Variants in ABCA1 observed in about 807,000 individuals in gnomAD.
ABCA1 encodes the protein ATP binding cassette subfamily A member 1.
Under a neutral mutation model 262.5 loss-of-function variants are expected in ABCA1, and 133 were observed. The observed-to-expected ratio is 0.51, with a 90% CI of 0.44 to 0.59. The LOEUF is 0.59. Among genes scored for constraint, ABCA1 ranks in the 20% least tolerant of loss-of-function variants. The probability of loss-of-function intolerance (pLI) is 0.00; values close to 1 mark genes in which losing one functional copy is unlikely to be tolerated. For synonymous variants in ABCA1, 1,022 were observed against 1,043.5 expected, an observed-to-expected ratio of 0.98 and a Z score of 0.40; for missense variants, 2,452 against 2,777.5, an observed-to-expected ratio of 0.88 and a Z score of 2.63.
At chr9:104,802,583 T>C (rs1830433863) in intron 33 of ABCA1, among the ~76,000 whole-genome samples, 1 of 152,144 alleles carries the variant, frequency 6.6e-6, no homozygotes, top group Non-Finnish European at 1.5e-5. Context: ...ATGAGGGCTA[T>C]TATAGGGGCC....
At position 104,886,238 on chromosome 9, in the gene ABCA1, T is replaced by C. The variant is rs3847301; in HGVS notation, c.161-1670A>G. 0.15 allele frequency among the ~76,000 whole-genome samples: 22,583 copies of C among 152,192 alleles called. 1,945 individuals carry two copies. Among genetic ancestry groups the C allele is most frequent in the African/African-American group, 0.24 (9,907 of 41,498 alleles). ...ACCACCTCCCTCCAAAGTGGGAACC[T>C]TGTTTTATTCATCTTTTTATTTTCA... On this transcript the variant is annotated intron_variant, in intron 3 of 49. Transcript: ENST00000374736.
intron 10 of ABCA1, 135 bp from the exon 11 acceptor site, chr9:104,837,231 G>T: frequency 1.9e-6 from 2 of 1,047,014 alleles, no homozygotes; most frequent in Non-Finnish European, 2.8e-6. Flanking sequence ...AGAAATGCCT[G>T]CTTGTAACTA....
chr9:104,837,567 G>C lies in ABCA1; in HGVS notation c.1055C>G (p.Thr352Ser). The C allele has an allele frequency of 6.2e-7, 1 of 1,613,982 alleles. No individual in the cohort carries two copies. The highest frequency in any genetic ancestry group is 8.5e-7 in the Non-Finnish European group (1 of 1,179,970). ...DAETFYDNST[T>S]PYCNDLMKNL... ...CTTCATCAAATCATTGCAGTAAGGA[G>C]CTATGAAGAAGAGGAGAGACAAATG... is the stretch of plus-strand genomic sequence containing the variant. The change falls in exon 10 of 50, where the codon ACT becomes AGT. Residue 352 changes from threonine to serine, a missense_variant and splice_region_variant. By Grantham distance (58) the Thr-to-Ser change is moderately conservative (BLOSUM62 1). This residue lies in a region of ABCA1 where 1,032 missense variants were observed against 1,089.7 expected (regional missense o/e 0.95). Transcript: ENST00000374736.
chr9:104,794,297 C>G lies in ABCA1; in HGVS notation c.5506+90G>C, dbSNP rs539177253. The G allele has an allele frequency of 9.5e-5, 151 of 1,597,254 alleles. 1 individual carries two copies. In the South Asian group the frequency reaches 1.6e-3, roughly 17 times the overall value. ...GGGGGAACATCCTGTGCTTAGTCAC[C>G]TGCTTCTTTCCAAAACAAAGTTCAG... On this transcript the variant is annotated intron_variant, in intron 40 of 49. Transcript: ENST00000374736.
chr9:104,832,556 T>A lies in ABCA1; in HGVS notation c.1509+18A>T. On this transcript the variant is annotated intron_variant, in intron 12 of 49. Coordinates refer to ENST00000374736, the MANE Select transcript of ABCA1 (RefSeq NM_005502.4). ...AAGCCGTTAAGTCTTTTCTAAATGA[T>A]CCCAGCAACAGATTCACCTCCATGA... 1 of 1,614,008 alleles carries A rather than the reference T, an allele frequency of 6.2e-7. No homozygotes were observed. The highest frequency in any genetic ancestry group is 8.5e-7 in the Non-Finnish European group (1 of 1,179,850).
chr9:104,881,715 G>C (rs1320151655), intron 5 of ABCA1, among the ~76,000 whole-genome samples: 1 of 152,124 alleles, frequency 6.6e-6, no homozygotes, highest in African/African-American at 2.4e-5. Flanking sequence ...TCAATCAGCA[G>C]GGGCTCTCCA....
At chr9:104,889,662 C>T (rs1839537686) in intron 2 of ABCA1, among the ~76,000 whole-genome samples, 1 of 152,176 alleles carries the variant, frequency 6.6e-6, no homozygotes. Context: ...CCAGCCTTAG[C>T]ATAGTGCCAG....
intron 1 of ABCA1, among the ~76,000 whole-genome samples, chr9:104,924,787 T>G (rs752106398): frequency 1.3e-5 from 2 of 152,156 alleles, no homozygotes; most frequent in African/African-American, 2.4e-5. Context: ...CCTTAATTTG[T>G]AGCCACTACA....
At chr9:104,847,905 G>T (rs1404166488) in intron 7 of ABCA1, among the ~76,000 whole-genome samples, 1 of 152,014 alleles carries the variant, frequency 6.6e-6, no homozygotes, top group African/African-American at 2.4e-5. Context: ...ATGTTTTTAC[G>T]TATATGTCTA....
chr9:104,903,109 A>C (rs1196994368), intron 2 of ABCA1, among the ~76,000 whole-genome samples: 1 of 152,198 alleles, frequency 6.6e-6, no homozygotes, highest in African/African-American at 2.4e-5. Flanking sequence ...CTGGGAAGTG[A>C]ATGGCTTAGA....
Position 104,810,915 on chromosome 9 carries a change from G to A in ABCA1, c.4060C>T (p.Pro1354Ser). Residue 1354 changes from proline (P) to serine (S), a missense_variant, in exon 29 of 50, where the codon CCA becomes TCA. Pro to Ser is a moderately conservative substitution (Grantham distance 74, BLOSUM62 -1). Transcript: ENST00000374736. ...AGGGCAATGCAGACAAACACAGCTG[G>A]CAAGACAATCTTTACCCAGGCAGTG... ...RKGFFAQIVL[P>S]AVFVCIALVF... The A allele has an allele frequency of 6.2e-7, 1 of 1,614,192 alleles. No individual in the cohort carries two copies. The highest frequency in any genetic ancestry group is 8.5e-7 in the Non-Finnish European group (1 of 1,180,028).
intron 1 of ABCA1, among the ~76,000 whole-genome samples, chr9:104,910,595 T>C (rs1841435056): frequency 6.6e-6 from 1 of 152,346 alleles, no homozygotes; most frequent in South Asian, 2.1e-4. Context: ...AGTATGTGTG[T>C]GTGTGTATGT....
intron 22 of ABCA1, among the ~76,000 whole-genome samples, chr9:104,819,168 T>A (rs780886203): frequency 5.3e-5 from 8 of 152,190 alleles, no homozygotes; most frequent in Non-Finnish European, 8.8e-5. Context: ...TAATCCTCTA[T>A]GAGGTAAGCA....
intron 2 of ABCA1, among the ~76,000 whole-genome samples, chr9:104,891,261 C>T (rs552448046): frequency 3.3e-5 from 5 of 152,090 alleles, no homozygotes; most frequent in African/African-American, 1.2e-4. Flanking sequence ...CTACATTAAA[C>T]TCTTTTAAAA....
At chr9:104,853,177 C>T (rs1032552090) in intron 7 of ABCA1, among the ~76,000 whole-genome samples, 3 of 152,184 alleles carry the variant, frequency 2.0e-5, no homozygotes, top group African/African-American at 4.8e-5. Context: ...CTGGAAGACA[C>T]GTGGACAGTG....
In ABCA1 at chr9:104,804,672, T is replaced by C; in HGVS notation, c.4513A>G (p.Ile1505Val). ...TACGTCTTCACCAGATAATCCGAAA[T>C]GTTTCTTCCTGTCAGGTCCTGAAGG... ...DILQDLTGRN[I>V]SDYLVKTYVQ... is the part of the protein sequence containing the mutation. The change falls in exon 32 of 50, where the codon ATT becomes GTT. Residue 1505 changes from isoleucine (I) to valine (V), a missense_variant. Coordinates refer to ENST00000374736, the MANE Select transcript of ABCA1 (RefSeq NM_005502.4). 2 of 1,614,238 alleles carry C rather than the reference T, an allele frequency of 1.2e-6. No homozygotes were observed. Among genetic ancestry groups the C allele is most frequent in the Non-Finnish European group, 1.7e-6 (2 of 1,180,040 alleles).
chr9:104,919,845 GA>G (rs371588422), intron 1 of ABCA1, among the ~76,000 whole-genome samples: 16 of 152,232 alleles, frequency 1.1e-4, no homozygotes, highest in Admixed American at 3.3e-4. Flanking sequence ...AGGTAAATAG[GA>G]AATTTCAACA....
At chr9:104,888,125 C>G (rs553500969) in intron 3 of ABCA1, among the ~76,000 whole-genome samples, 1 of 151,448 alleles carries the variant, frequency 6.6e-6, no homozygotes, top group South Asian at 2.1e-4. Flanking sequence ...ATTAGAAAAT[C>G]AGCAAGTAAA....
Position 104,903,920 on chromosome 9 carries a change from G to A in ABCA1, c.-92-149C>T, listed in dbSNP as rs2118435125. 4 of 595,248 alleles carry A rather than the reference G, an allele frequency of 6.7e-6. No individual in the cohort carries two copies. The South Asian group carries it at 8.0e-5, about 12-fold the overall frequency. 36.9% of individuals were successfully genotyped at this position (595,248 alleles called of 1,614,324 possible). ...CTTCTCAATGGATCATGAGTCACCA[G>A]CTCCCAGCCTCTGGGTTCACCCACA... On this transcript the variant is annotated intron_variant, in intron 1 of 49. Transcript: ENST00000374736.
Sources: allele counts gnomAD v4.1 joint callset (sites outside exome capture counted in the v4.1 genomes callset), GRCh38; gene constraint gnomAD v4.1.1; regional missense constraint gnomAD v4.1.1; transcripts MANE v1.5; gene names NCBI Gene and HGNC (gene_info 2026-07-23, HGNC 2026-07-21).